The following ACSM1 variants were observed in gnomAD, a reference collection of about 807,000 sequenced individuals.
ACSM1 encodes the protein acyl-CoA synthetase medium chain family member 1.
A neutral mutation model predicts 75.8 loss-of-function variants in ACSM1; 79 were observed. That is an observed-to-expected ratio of 1.04 (90% confidence interval 0.87 to 1.26). ACSM1 has a LOEUF of 1.26. ACSM1 is among the 50% of genes most tolerant of loss of function. The pLI, the probability that ACSM1 is intolerant of heterozygous loss-of-function variation, is 0.00. For synonymous variants in ACSM1, 279 were observed against 265.8 expected, an observed-to-expected ratio of 1.05 and a Z score of -0.48; for missense variants, 676 against 720.1, an observed-to-expected ratio of 0.94 and a Z score of 0.70.
Position 20,640,597 on chromosome 16 carries a change from C to A in ACSM1, c.993-13G>T, listed in dbSNP as rs772423149. On this transcript the variant is annotated splice_polypyrimidine_tract_variant and intron_variant, in intron 7 of 13. Coordinates refer to ENST00000520010, the MANE Select transcript of ACSM1 (RefSeq NM_001318890.3). ...AGGGAACCTGATGCTTAGAGGAAGA[C>A]AAGGTGCCAGGCATTGGTGAGCCAC... 4 of 1,614,098 alleles carry A rather than the reference C, an allele frequency of 2.5e-6. No individual in the cohort carries two copies. Among genetic ancestry groups the A allele is most frequent in the African/African-American group, 1.3e-5 (1 of 75,056 alleles).
rs534974699 is a variant in ACSM1 at position 20,691,847 on chromosome 16, T to C, written c.-51-608A>G. On this transcript the variant is annotated intron_variant, in intron 1 of 13. Coordinates refer to ENST00000520010, the MANE Select transcript of ACSM1 (RefSeq NM_001318890.3). ...AATATATCAGGCTGTCTCCCTCTGGTGGAATGCACATTTTGTGTGCTGTTT... is the reference window on the plus strand; with the variant it reads ...AATATATCAGGCTGTCTCCCTCTGGCGGAATGCACATTTTGTGTGCTGTTT... 6.0e-5 allele frequency among the ~76,000 whole-genome samples: 9 copies of C among 149,766 alleles called. No individual in the cohort carries two copies. In the South Asian group the frequency reaches 1.7e-3, roughly 28 times the overall value.
chr16:20,692,334 T>C (rs1473890431), intron 1 of ACSM1, among the ~76,000 whole-genome samples: 1 of 152,152 alleles, frequency 6.6e-6, no homozygotes, highest in Non-Finnish European at 1.5e-5. Flanking sequence ...TTAAGAACTG[T>C]GTTGGCTTGG....
intron 7 of ACSM1, among the ~76,000 whole-genome samples, chr16:20,651,742 T>C (rs1300907292): frequency 2.6e-5 from 4 of 152,140 alleles, no homozygotes; most frequent in Non-Finnish European, 5.9e-5. Context: ...CAAAAAAAAC[T>C]AGTCAAATGC....
rs1255302073 is a variant in ACSM1, at chr16:20,648,669, A to G, written c.993-8085T>C. 1.3e-5 allele frequency among the ~76,000 whole-genome samples: 2 copies of G among 152,218 alleles called. No homozygotes were observed. The highest frequency in any genetic ancestry group is 4.8e-5 in the African/African-American group (2 of 41,460). ...CATAATAAAAACTTTTATTTCTACA[A>G]TCCTTTATCCTAACCCTCTCTTTTA... is the stretch of plus-strand genomic sequence containing the variant. On this transcript the variant is annotated intron_variant, in intron 7 of 13. Coordinates refer to ENST00000520010, the MANE Select transcript of ACSM1 (RefSeq NM_001318890.3). The surrounding 1 kb of genome is among the most constrained non-coding windows in gnomAD (Gnocchi z 4.2).
In ACSM1 at chr16:20,682,364, A is replaced by G. The variant is rs2079464288; in HGVS notation, c.503T>C (p.Leu168Pro). ...KAKGIVTIDA[L>P]ASEVDSIASQ... The stretch of plus-strand genomic sequence containing the variant: ...AGCTATGGAGTCCACCTCTGAGGCA[A>G]GGGCATCTATGGTCACAATGCCCTT... The change falls in exon 4 of 14, where the codon CTT (leucine) becomes CCT (proline). Residue 168 changes from leucine (L) to proline (P), a missense_variant. Transcript: ENST00000520010. 2 of 1,614,092 alleles carry G rather than the reference A, an allele frequency of 1.2e-6. No homozygotes were observed. Among genetic ancestry groups the G allele is most frequent in the Admixed American group, 3.3e-5 (2 of 60,026 alleles).
At chr16:20,654,179 C>T (rs1481157520) in intron 7 of ACSM1, among the ~76,000 whole-genome samples, 4 of 152,044 alleles carry the variant, frequency 2.6e-5, no homozygotes, top group Non-Finnish European at 5.9e-5. Flanking sequence ...TAATAAATGG[C>T]TCTGGGATAA....
chr16:20,644,091 AG>A (rs1207338406), intron 7 of ACSM1, among the ~76,000 whole-genome samples: 1 of 152,180 alleles, frequency 6.6e-6, no homozygotes, highest in Admixed American at 6.5e-5. Context: ...TAGACACAAA[AG>A]TTCTCCAAGT....
intron 1 of ACSM1, among the ~76,000 whole-genome samples, chr16:20,693,658 T>C (rs2079674847): frequency 6.6e-6 from 1 of 152,230 alleles, no homozygotes; most frequent in Admixed American, 6.5e-5. Context: ...TTGTCTGCTT[T>C]ATTTAAATGA....
Position 20,625,509 on chromosome 16 carries a change from G to A in ACSM1, c.1441C>T (p.Pro481Ser). ...IINASGYRIG[P>S]AEVESALVEH... ...ACCAAAGCGCTTTCAACCTCTGCAG[G>A]CCCGATGCGATACCTGGAGGATGAA... The change falls in exon 12 of 14, where the codon CCT becomes TCT. Residue 481 changes from proline (P) to serine (S), a missense_variant. Transcript: ENST00000520010. The A allele has an allele frequency of 6.2e-7, 1 of 1,614,034 alleles. No individual in the cohort carries two copies. The highest frequency in any genetic ancestry group is 8.5e-7 in the Non-Finnish European group (1 of 1,179,994).
intron 7 of ACSM1, among the ~76,000 whole-genome samples, chr16:20,651,431 C>A (rs2018641659): frequency 6.6e-6 from 1 of 151,854 alleles, no homozygotes; most frequent in Non-Finnish European, 1.5e-5. Flanking sequence ...GACTTCAAGA[C>A]CAGCTTGGTC....
In ACSM1 at chr16:20,669,939, G is replaced by C. The variant is rs781373474; in HGVS notation, c.800C>G (p.Ser267Trp). 3.1e-6 allele frequency: 5 copies of C among 1,613,700 alleles called. No individual in the cohort carries two copies. Among genetic ancestry groups the C allele is most frequent in the East Asian group, 4.5e-5 (2 of 44,868 alleles). ...GGTAGCCACAATCCATCCTGAGTCC[G>C]ACAGGCACCAGGAGACATCAGATGT... ...LKTSDVSWCLSDSGWIVATIW... is the reference protein window; with the variant it reads ...LKTSDVSWCLWDSGWIVATIW... Residue 267 changes from serine to tryptophan, a missense_variant, in exon 6 of 14, where the codon TCG (serine) becomes TGG (tryptophan). Physicochemically the swap from Ser to Trp is radical, Grantham distance 177 (BLOSUM62 -3). Transcript: ENST00000520010.
intron 1 of ACSM1, among the ~76,000 whole-genome samples, chr16:20,691,674 A>G (rs1428389058): frequency 6.6e-6 from 1 of 151,876 alleles, no homozygotes; most frequent in Non-Finnish European, 1.5e-5. Flanking sequence ...CCATGACTAA[A>G]GTTGATTGGT....
chr16:20,676,700 C>T (rs906967546), intron 4 of ACSM1, among the ~76,000 whole-genome samples: 2 of 152,092 alleles, frequency 1.3e-5, no homozygotes, highest in East Asian at 1.9e-4. Context: ...GAGGCATGGT[C>T]GTGGGCGTGA....
At chr16:20,672,032 C>T (rs1354433940) in intron 4 of ACSM1, among the ~76,000 whole-genome samples, 1 of 152,062 alleles carries the variant, frequency 6.6e-6, no homozygotes, top group Non-Finnish European at 1.5e-5. Context: ...ATGAACCATT[C>T]AGTACTCAGA....
At chr16:20,636,896 C>T (rs750424407) in intron 9 of ACSM1, 56 bp from the exon 10 acceptor site, 8 of 1,296,274 alleles carry the variant, frequency 6.2e-6, no homozygotes, top group South Asian at 3.6e-5. Flanking sequence ...CCTTCTGCCC[C>T]ACCCAAGCAC....
intron 7 of ACSM1, among the ~76,000 whole-genome samples, chr16:20,652,515 A>G (rs2152239938): frequency 6.6e-6 from 1 of 152,248 alleles, no homozygotes; most frequent in South Asian, 2.1e-4. Flanking sequence ...GTCCTAAAAT[A>G]AAAATGATGG....
At chr16:20,633,876 CA>C (rs2017497511) in intron 10 of ACSM1, among the ~76,000 whole-genome samples, 1 of 151,934 alleles carries the variant, frequency 6.6e-6, no homozygotes, top group Non-Finnish European at 1.5e-5. Context: ...ACTAAAAATA[CA>C]AAAATTAGCC....
chr16:20,671,695 G>A (rs1277582134), intron 4 of ACSM1, 24 bp from the exon 5 acceptor site: 5 of 1,498,680 alleles, frequency 3.3e-6, no homozygotes, highest in Admixed American at 2.3e-5. Flanking sequence ...CAAGACAAAA[G>A]GAAAAAAGTC....
At chr16:20,652,269 A>T (rs556949776) in intron 7 of ACSM1, among the ~76,000 whole-genome samples, 2 of 152,254 alleles carry the variant, frequency 1.3e-5, no homozygotes, top group East Asian at 3.9e-4. Flanking sequence ...ATTATTTGAT[A>T]TTAAGTTTCT....
Sources: gnomAD v4.1 joint callset for allele counts (sites outside exome capture counted in the v4.1 genomes callset) on GRCh38, gnomAD v4.1.1 for gene constraint, Gnocchi (gnomAD v3.1) non-coding constraint, MANE v1.5 for transcripts, NCBI Gene and HGNC (gene_info 2026-07-23, HGNC 2026-07-21) for gene names.